The following AK8 variants were observed in gnomAD, a reference collection of about 807,000 sequenced individuals.
AK8 encodes ATP-AMP transphosphorylase 8.
In AK8, 44 loss-of-function variants were observed where a neutral mutation model predicts 54.6. The observed-to-expected ratio is 0.81, with a 90% CI of 0.63 to 1.04. The LOEUF (loss-of-function observed/expected upper bound fraction) is 1.04, where lower values mean the gene tolerates loss of function less well. Ranked by LOEUF, AK8 falls within the 50% of genes least tolerant of loss-of-function variation. The pLI is 0.00. For missense variants in AK8, 555 were observed against 613.6 expected (o/e 0.90, Z 1.01); for synonymous variants, 239 against 245.6 (o/e 0.97, Z 0.25).
rs1040361841 is a variant in AK8, at chr9:132,826,527, C to T, written c.757+327G>A. Among the ~76,000 whole-genome samples the T allele has an allele frequency of 6.6e-6, 1 of 152,170 alleles. No individual in the cohort carries two copies. The highest frequency in any genetic ancestry group is 1.5e-5 in the Non-Finnish European group (1 of 68,030). ...CTTTCCTCTCCCTCAAGGTCAGGCT[C>T]AAACTTCTTGCTACCATGTCCCTCC... is the stretch of plus-strand genomic sequence containing the variant. On this transcript the variant is annotated intron_variant, in intron 8 of 12. Coordinates refer to ENST00000298545, the MANE Select transcript of AK8 (RefSeq NM_152572.3). This position sits in a 1 kb window ranked among gnomAD's most constrained non-coding sequence, Gnocchi z 4.5.
Position 132,860,251 on chromosome 9 carries a change from C to T in AK8, c.333+3414G>A, listed in dbSNP as rs1843331867. 6.7e-6 allele frequency among the ~76,000 whole-genome samples: 1 copy of T among 148,186 alleles called. No homozygotes were observed. The highest frequency in any genetic ancestry group is 2.6e-5 in the African/African-American group (1 of 38,842). ...GGCCCAGGAGCCATAAGAACACCAT[C>T]TCCTCGGCGAGATTTATAACTCTGG... On this transcript the variant is annotated intron_variant, in intron 4 of 12. Coordinates refer to ENST00000298545, the MANE Select transcript of AK8 (RefSeq NM_152572.3). The surrounding 1 kb of genome is among the most constrained non-coding windows in gnomAD (Gnocchi z 4.4).
chr9:132,781,545 TATATTTTAATAATAAAATTG>T lies in AK8; in HGVS notation c.1121+11069_1121+11088del, dbSNP rs1839468145. ...CGATAACTCTATTTACTAGTGTGAA[TATATTTTAATAATAAAATTG>T]ATATATATGTAAATTTATTTTAATC... On this transcript the variant is annotated intron_variant, in intron 11 of 12. Transcript: ENST00000298545. The surrounding 1 kb of genome is among the most constrained non-coding windows in gnomAD (Gnocchi z 4.6). Among the ~76,000 whole-genome samples the T allele has an allele frequency of 6.6e-6, 1 of 152,202 alleles. No homozygotes were observed. Among genetic ancestry groups the T allele is most frequent in the Non-Finnish European group, 1.5e-5 (1 of 68,040 alleles).
intron 10 of AK8, among the ~76,000 whole-genome samples, chr9:132,796,180 T>C (rs1840165333): frequency 6.6e-6 from 1 of 152,186 alleles, no homozygotes; most frequent in Non-Finnish European, 1.5e-5. Context: ...CCCCGGCCCA[T>C]AACACCCCCA....
At chr9:132,878,288 CG>C (rs1348128337), upstream of AK8, 1 of 1,333,008 alleles carries the variant, frequency 7.5e-7, no homozygotes. This position sits in a 1 kb window ranked among gnomAD's most constrained non-coding sequence, Gnocchi z 4.7. Context: ...CCCTAGTAAC[CG>C]CGTCGCTAGG....
chr9:132,836,603 A>T (rs967811616), intron 5 of AK8, among the ~76,000 whole-genome samples: 1 of 152,276 alleles, frequency 6.6e-6, no homozygotes, highest in Non-Finnish European at 1.5e-5. Context: ...GGCTGCTCTC[A>T]AACTTCTGGC....
chr9:132,803,392 C>A lies in AK8; in HGVS notation c.980-10617G>T, dbSNP rs965184971. 7.3e-6 allele frequency among the ~76,000 whole-genome samples: 1 copy of A among 137,676 alleles called. No homozygotes were observed. The highest frequency in any genetic ancestry group is 2.7e-5 in the African/African-American group (1 of 37,330). 90.3% of individuals were successfully genotyped at this position (137,676 alleles called of 152,430 possible). A position where few individuals can be genotyped will look rare whatever the true frequency, so the allele number is the denominator to read the frequency against. ...GAAATAAATAAATATAAAAAATCCC[C>A]CATATATAAAATATATTCACACCCG... On this transcript the variant is annotated intron_variant, in intron 10 of 12. Transcript: ENST00000298545. This position sits in a 1 kb window ranked among gnomAD's most constrained non-coding sequence, Gnocchi z 4.4.
rs549016825 is a variant in AK8, at chr9:132,826,539, T to TA, written c.757+314dup. ...TCAAGGTCAGGCTCAAACTTCTTGC[T>TA]ACCATGTCCCTCCCACCCCATCCCT... On this transcript the variant is annotated intron_variant, in intron 8 of 12. Coordinates refer to ENST00000298545, the MANE Select transcript of AK8 (RefSeq NM_152572.3). The surrounding 1 kb of genome is among the most constrained non-coding windows in gnomAD (Gnocchi z 4.5). 3.1e-4 allele frequency among the ~76,000 whole-genome samples: 47 copies of TA among 152,344 alleles called. No homozygotes were observed. The highest frequency in any genetic ancestry group is 5.9e-4 in the Admixed American group (9 of 15,302).
chr9:132,850,723 G>A (rs375172548), intron 5 of AK8, among the ~76,000 whole-genome samples: 52 of 151,158 alleles, frequency 3.4e-4, no homozygotes, highest in African/African-American at 1.2e-3. Context: ...TAGTAGAGAC[G>A]GGGTTTTGCC....
At chr9:132,848,899 C>G (rs1425880832) in intron 5 of AK8, among the ~76,000 whole-genome samples, 4 of 147,324 alleles carry the variant, frequency 2.7e-5, no homozygotes, top group Non-Finnish European at 3.0e-5. Context: ...TCTAACACTC[C>G]TGTTTGCTTT....
At chr9:132,761,664 T>C (rs1292870214) in intron 11 of AK8, among the ~76,000 whole-genome samples, 1 of 152,070 alleles carries the variant, frequency 6.6e-6, no homozygotes, top group Admixed American at 6.5e-5. Flanking sequence ...TTTGTAATAT[T>C]TTTCCTATCC....
chr9:132,839,792 T>C (rs1842460763), intron 5 of AK8, among the ~76,000 whole-genome samples: 1 of 126,132 alleles, frequency 7.9e-6, no homozygotes, highest in South Asian at 2.6e-4. Context: ...TGAAACTGTG[T>C]AAATTGTAAA....
intron 11 of AK8, among the ~76,000 whole-genome samples, chr9:132,787,367 G>GTGA (rs1323107443): frequency 6.6e-6 from 1 of 152,092 alleles, no homozygotes; most frequent in Non-Finnish European, 1.5e-5. Flanking sequence ...AAAAGGAAGA[G>GTGA]CCTACAAACT....
intron 10 of AK8, among the ~76,000 whole-genome samples, chr9:132,811,080 C>T (rs1445229994): frequency 6.6e-6 from 1 of 152,202 alleles, no homozygotes; most frequent in Non-Finnish European, 1.5e-5. Flanking sequence ...TTACCAACCT[C>T]ACCGACAATC....
rs1414348805 is a variant in AK8 at position 132,875,233 on chromosome 9, T to C, written c.85-34A>G. 6.8e-6 allele frequency: 11 copies of C among 1,611,872 alleles called. No individual in the cohort carries two copies. The Admixed American group carries it at 1.5e-4, about 22-fold the overall frequency. On this transcript the variant is annotated intron_variant, in intron 1 of 12. Transcript: ENST00000298545. ...GCAGGGCAGACACCCAGGTGGTTAATACCTGCAAGGGCACCTGGTCACCAC... is the reference window on the plus strand; with the variant it reads ...GCAGGGCAGACACCCAGGTGGTTAACACCTGCAAGGGCACCTGGTCACCAC...
In AK8 at chr9:132,837,531, A is replaced by G. The variant is rs1376245596; in HGVS notation, c.403-8805T>C. On this transcript the variant is annotated intron_variant, in intron 5 of 12. Transcript: ENST00000298545. The surrounding 1 kb of genome is among the most constrained non-coding windows in gnomAD (Gnocchi z 4.3). ...GCCTCTCAATACTCTCTCCTGCTCC[A>G]AGGTCTGCTTGCGTCTGCTCAAACC... Among the ~76,000 whole-genome samples, 2 of 151,986 alleles carry G rather than the reference A, an allele frequency of 1.3e-5. No individual in the cohort carries two copies. The highest frequency in any genetic ancestry group is 2.9e-5 in the Non-Finnish European group (2 of 68,012).
Position 132,752,005 on chromosome 9 carries a change from AT to A in AK8, c.1122-24472del, listed in dbSNP as rs892713890. Among the ~76,000 whole-genome samples the A allele has an allele frequency of 4.5e-4, 68 of 150,944 alleles. 1 individual carries two copies. Among genetic ancestry groups the A allele is most frequent in the African/African-American group, 1.6e-3 (66 of 41,152 alleles). Reference sequence around the variant, plus strand: ...AGGCATGCAGCACCACACCTGACTAATTTTTTTTGTATTTTTAGTAGAGATG... The same window carrying A: ...AGGCATGCAGCACCACACCTGACTAATTTTTTTGTATTTTTAGTAGAGATG... On this transcript the variant is annotated intron_variant, in intron 11 of 12. Coordinates refer to ENST00000298545, the MANE Select transcript of AK8 (RefSeq NM_152572.3).
rs540494027 is a variant in AK8, at chr9:132,824,352, G to A, written c.758-1016C>T. ...ACTGTCCTGTGCAAACTCAGCCAGGGGTGGCCCCGTTACACCTTCCTGCCA... is the reference window on the plus strand; with the variant it reads ...ACTGTCCTGTGCAAACTCAGCCAGGAGTGGCCCCGTTACACCTTCCTGCCA... On this transcript the variant is annotated intron_variant, in intron 8 of 12. Coordinates refer to ENST00000298545, the MANE Select transcript of AK8 (RefSeq NM_152572.3). Among the ~76,000 whole-genome samples the A allele has an allele frequency of 5.3e-5, 8 of 152,304 alleles. No homozygotes were observed. In the South Asian group the frequency reaches 1.7e-3, roughly 32 times the overall value.
In AK8 at chr9:132,765,292, C is replaced by CAAAAAAAAAAAAAAAAAAA. The variant is rs61495439; in HGVS notation, c.1121+27323_1121+27341dup. On this transcript the variant is annotated intron_variant, in intron 11 of 12. Transcript: ENST00000298545. Reference sequence around the variant, plus strand: ...TGGGCAACAGAGCGAGACTCCATTTCAAAAAAAAAAAAAAAAAAAAAAGAG... The same window carrying CAAAAAAAAAAAAAAAAAAA: ...TGGGCAACAGAGCGAGACTCCATTTCAAAAAAAAAAAAAAAAAAAAAAAAAAAAAAAAAAAAAAAAAGAG... 5.9e-4 allele frequency among the ~76,000 whole-genome samples: 37 copies of CAAAAAAAAAAAAAAAAAAA among 62,808 alleles called. 3 individuals are homozygous for CAAAAAAAAAAAAAAAAAAA. The highest frequency in any genetic ancestry group is 2.5e-3 in the African/African-American group (37 of 15,022). The allele number at this position is 62,808 out of a possible 152,430, so 41.2% of individuals were successfully genotyped here.
chr9:132,762,807 G>A (rs1182485523), intron 11 of AK8, among the ~76,000 whole-genome samples: 1 of 152,198 alleles, frequency 6.6e-6, no homozygotes. Flanking sequence ...GCACCCAGGA[G>A]GCGAAGTTTG....
Sources: allele counts gnomAD v4.1 joint callset (sites outside exome capture counted in the v4.1 genomes callset), GRCh38; gene constraint gnomAD v4.1.1; non-coding constraint Gnocchi (gnomAD v3.1); transcripts MANE v1.5; gene names NCBI Gene and HGNC (gene_info 2026-07-23, HGNC 2026-07-21).